Variants in DYNC2I2 observed in about 807,000 individuals in gnomAD.
The protein encoded by DYNC2I2 is dynein 2 intermediate chain 2, also known as cytoplasmic dynein 2 intermediate chain 2.
Under a neutral mutation model 52.0 loss-of-function variants are expected in DYNC2I2, and 39 were observed. The ratio of observed to expected loss-of-function variants is 0.75; its 90% CI spans 0.58 to 0.98. The LOEUF is 0.98. DYNC2I2 is among the 50% of genes least tolerant of loss of function. The pLI is 0.00. For synonymous variants in DYNC2I2, 359 were observed against 321.1 expected (o/e 1.12, Z -1.26); for missense variants, 743 against 728.4 (o/e 1.02, Z -0.23).
rs541654387 is a variant in DYNC2I2, at chr9:128,640,706, G to C, written c.420C>G (p.Thr140=). Residue 140 remains threonine, a synonymous_variant, in exon 2 of 9, where the codon ACC becomes ACG. Transcript: ENST00000372715. The part of the protein sequence containing the change: ...HAFDGFEVNW[T]EQQQMVSCLY... Reference sequence around the variant, plus strand: ...CATCCCCTACCATCTGCTGCTGCTCGGTCCAGTTCACCTCGAAGCCATCAA... The same window carrying C: ...CATCCCCTACCATCTGCTGCTGCTCCGTCCAGTTCACCTCGAAGCCATCAA... 3 of 1,613,972 alleles carry C rather than the reference G, an allele frequency of 1.9e-6. No individual in the cohort carries two copies. The highest frequency in any genetic ancestry group is 1.7e-6 in the Non-Finnish European group (2 of 1,179,936).
the DYNC2I2 span, among the ~76,000 whole-genome samples, chr9:128,678,981 A>G: frequency 1.3e-5 from 2 of 152,044 alleles, no homozygotes; most frequent in African/African-American, 4.8e-5. Flanking sequence ...AGCCAGGAGA[A>G]TGGCGTGAAC....
chr9:128,642,286 C>CA (rs34133160), intron 1 of DYNC2I2, among the ~76,000 whole-genome samples: 68,913 of 88,852 alleles, frequency 0.78, 27,586 homozygotes, highest in Non-Finnish European at 0.87. Context: ...GACTCCGTCT[C>CA]AAAAAAAAAA....
the DYNC2I2 span, among the ~76,000 whole-genome samples, chr9:128,676,879 C>T: frequency 3.3e-3 from 484 of 146,652 alleles, 2 homozygotes; most frequent in Non-Finnish European, 5.8e-3. Context: ...GACGGAGTCT[C>T]GCTCTATTGC....
In DYNC2I2 at chr9:128,636,956, C is replaced by T; in HGVS notation, c.507G>A (p.Trp169Ter). 1 of 1,613,334 alleles carries T rather than the reference C, an allele frequency of 6.2e-7. No homozygotes were observed. The highest frequency in any genetic ancestry group is 8.5e-7 in the Non-Finnish European group (1 of 1,179,986). ...AQGLHVTSIS[W>*]NSTGSVVACA... ...AGGCCACCACAGAGCCAGTGGAGTT[C>T]CAGGAGATGCTGGTCACATGCAGAC... The change falls in exon 3 of 9, where the codon TGG becomes TGA. Residue 169 changes from tryptophan (W) to a stop codon, truncating the protein, a stop_gained. Coordinates refer to ENST00000372715, the MANE Select transcript of DYNC2I2 (RefSeq NM_052844.4). LOFTEE classifies it high-confidence loss of function.
the DYNC2I2 span, among the ~76,000 whole-genome samples, chr9:128,678,365 G>A: frequency 1.1e-4 from 16 of 147,856 alleles, no homozygotes; most frequent in South Asian, 3.5e-3. Flanking sequence ...ACCATGCCCA[G>A]CCTAATTTTT....
chr9:128,635,327 C>T, intron 5 of DYNC2I2, 68 bp from the exon 6 acceptor site: 1 of 1,520,200 alleles, frequency 6.6e-7, no homozygotes, highest in Non-Finnish European at 8.8e-7. Context: ...CGCTCCACCC[C>T]TACCCTCCCT....
At chr9:128,676,725 G>A in the DYNC2I2 span, among the ~76,000 whole-genome samples, 10 of 151,828 alleles carry the variant, frequency 6.6e-5, no homozygotes, top group Non-Finnish European at 1.2e-4. Flanking sequence ...TAGAGACACG[G>A]TTTTGCCATG....
chr9:128,636,476 G>A (rs1435880999), intron 3 of DYNC2I2, 38 bp from the exon 4 acceptor site: 22 of 1,565,954 alleles, frequency 1.4e-5, no homozygotes, highest in South Asian at 4.6e-5. Context: ...GTGCCCCTGG[G>A]TGGGGCTCCT....
intron 3 of DYNC2I2, 151 bp from the exon 4 acceptor site, chr9:128,636,589 C>T (rs1302874951): frequency 2.1e-6 from 2 of 947,440 alleles, no homozygotes; most frequent in African/African-American, 3.3e-5. Context: ...ACACTCCACT[C>T]TAGCACCCCA....
chr9:128,675,438 C>T, the DYNC2I2 span, among the ~76,000 whole-genome samples: 2 of 152,114 alleles, frequency 1.3e-5, no homozygotes, highest in Non-Finnish European at 2.9e-5. Flanking sequence ...CCTCAGCTTC[C>T]CAAAGTGCTG....
the DYNC2I2 span, among the ~76,000 whole-genome samples, chr9:128,662,408 G>GGGTTT: frequency 6.7e-6 from 1 of 149,998 alleles, no homozygotes. Context: ...ACAGTCTTGG[G>GGGTTT]TGTTTTGTTT....
At chr9:128,634,594 G>T in intron 7 of DYNC2I2, 95 bp downstream of exon 7, 1 of 1,360,216 alleles carries the variant, frequency 7.4e-7, no homozygotes, top group Non-Finnish European at 9.9e-7. Flanking sequence ...CAGAAGGCAA[G>T]CACTTGAAGC....
At chr9:128,672,619 A>G in the DYNC2I2 span, among the ~76,000 whole-genome samples, 1 of 152,158 alleles carries the variant, frequency 6.6e-6, no homozygotes, top group South Asian at 2.1e-4. Context: ...AGAAAAAAAA[A>G]AAGGAAAAAA....
the DYNC2I2 span, among the ~76,000 whole-genome samples, chr9:128,666,133 T>G: frequency 6.6e-6 from 1 of 151,878 alleles, no homozygotes; most frequent in Non-Finnish European, 1.5e-5. Flanking sequence ...AAAATAACTT[T>G]GGGAGCCTAA....
At chr9:128,673,666 C>G in the DYNC2I2 span, among the ~76,000 whole-genome samples, 14 of 151,852 alleles carry the variant, frequency 9.2e-5, no homozygotes, top group Admixed American at 9.2e-4. Context: ...CCACCAAGCC[C>G]GGCTAATGTT....
In DYNC2I2 at chr9:128,635,217, C is replaced by A; in HGVS notation, c.856G>T (p.Val286Leu). 1 of 1,613,168 alleles carries A rather than the reference C, an allele frequency of 6.2e-7. No individual in the cohort carries two copies. Among genetic ancestry groups the A allele is most frequent in the African/African-American group, 1.3e-5 (1 of 75,054 alleles). ...PEPGHSHRFQ[V>L]LSVATDGKVL... is the part of the protein sequence containing the mutation. ...TTCCCGTCGGTGGCCACACTCAGCA[C>A]CTGGAAGCGGTGGCTGTGCCCAGGC... is the stretch of plus-strand genomic sequence containing the variant. Residue 286 changes from valine to leucine, a missense_variant, in exon 6 of 9, where the codon GTG (valine) becomes TTG (leucine). By Grantham distance (32) the Val-to-Leu change is conservative. Coordinates refer to ENST00000372715, the MANE Select transcript of DYNC2I2 (RefSeq NM_052844.4).
upstream of DYNC2I2, among the ~76,000 whole-genome samples, chr9:128,659,515 A>G (rs891173450): frequency 6.7e-6 from 1 of 149,686 alleles, no homozygotes; most frequent in African/African-American, 2.5e-5. Context: ...AAAAAAACAC[A>G]CACACAAACT....
Position 128,633,792 on chromosome 9 carries a change from G to T in DYNC2I2, c.1563C>A (p.Pro521=). 1 of 1,613,578 alleles carries T rather than the reference G, an allele frequency of 6.2e-7. No homozygotes were observed. Among genetic ancestry groups the T allele is most frequent in the Non-Finnish European group, 8.5e-7 (1 of 1,180,038 alleles). The part of the protein sequence containing the change: ...QLSTEFTEQG[P]REAEDLDCLA... ...GGCAGTCCAGGTCCTCAGCTTCCCG[G>T]GGCCCTTGTTCCGTGAACTCTGTGC... The change falls in exon 9 of 9, where the codon CCC becomes CCA. Residue 521 remains proline, a synonymous_variant. Coordinates refer to ENST00000372715, the MANE Select transcript of DYNC2I2 (RefSeq NM_052844.4).
the DYNC2I2 span, chr9:128,663,458 A>T: frequency 8.7e-4 from 1 of 1,144 alleles, no homozygotes; most frequent in African/African-American, 1.1e-3. Flanking sequence ...TGACAAAGAC[A>T]CAGGCTGGGC....
Sources: gnomAD v4.1 joint callset for allele counts (sites outside exome capture counted in the v4.1 genomes callset) on GRCh38, gnomAD v4.1.1 for gene constraint, MANE v1.5 for transcripts, NCBI Gene and HGNC (gene_info 2026-07-23, HGNC 2026-07-21) for gene names.